Variants in SEPTIN14 observed in about 807,000 individuals in gnomAD.
The protein encoded by SEPTIN14 is septin 14.
In SEPTIN14, 40 loss-of-function variants were observed where a neutral mutation model predicts 53.6. That is an observed-to-expected ratio of 0.75 (90% CI 0.58 to 0.97). The LOEUF is 0.97. SEPTIN14 is among the 50% of genes least tolerant of loss of function. SEPTIN14 has a pLI of 0.00. For missense variants in SEPTIN14, 471 were observed against 508.2 expected, an observed-to-expected ratio of 0.93 and a Z score of 0.70; for synonymous variants, 138 against 166.8, an observed-to-expected ratio of 0.83 and a Z score of 1.33.
intron 3 of SEPTIN14, among the ~76,000 whole-genome samples, 194 bp from the exon 4 acceptor site, chr7:55,844,912 CT>C (rs34738740): frequency 1.2e-3 from 181 of 145,774 alleles, no homozygotes; most frequent in Non-Finnish European, 2.1e-3. Flanking sequence ...TACAAAGTTT[CT>C]TTTTTTTTTT....
At chr7:55,798,036 G>GT (rs1788459986) in intron 9 of SEPTIN14, 1 of 167,268 alleles carries the variant, frequency 6.0e-6, no homozygotes, top group African/African-American at 2.4e-5. Flanking sequence ...CCCAGACCAT[G>GT]TACTCGGCCC....
chr7:55,859,990 G>A (rs1326407646), intron 2 of SEPTIN14, among the ~76,000 whole-genome samples: 1 of 152,012 alleles, frequency 6.6e-6, no homozygotes, highest in Non-Finnish European at 1.5e-5. Context: ...AACCAACCTG[G>A]CCAATATGTT....
At chr7:55,838,885 A>C (rs1789256950) in intron 5 of SEPTIN14, among the ~76,000 whole-genome samples, 1 of 152,132 alleles carries the variant, frequency 6.6e-6, no homozygotes, top group Admixed American at 6.6e-5. Context: ...AATCAACAGC[A>C]GTCCAAATAT....
At chr7:55,857,725 C>T (rs760888657) in intron 2 of SEPTIN14, among the ~76,000 whole-genome samples, 12 of 149,792 alleles carry the variant, frequency 8.0e-5, no homozygotes, top group Non-Finnish European at 1.2e-4. Flanking sequence ...GCAGCTGGGA[C>T]TACAGGCGCC....
At chr7:55,842,907 C>CA (rs369212193) in intron 5 of SEPTIN14, 35 bp downstream of exon 5, 78,919 of 973,930 alleles carry the variant, frequency 0.081, 1 homozygote, top group South Asian at 0.1. Flanking sequence ...GACTCCGTCT[C>CA]AAAAAAAAAA....
At chr7:55,840,888 GTTATTATTTAT>G (rs150755976) in intron 5 of SEPTIN14, among the ~76,000 whole-genome samples, 33,568 of 151,530 alleles carry the variant, frequency 0.22, 4,346 homozygotes, top group Middle Eastern at 0.31. Flanking sequence ...TTTTGTTGTT[GTTATTATTTAT>G]TTATTATTTA....
chr7:55,802,145 C>T (rs1788530446), intron 9 of SEPTIN14, among the ~76,000 whole-genome samples: 1 of 151,946 alleles, frequency 6.6e-6, no homozygotes, highest in Non-Finnish European at 1.5e-5. Flanking sequence ...GCCAGGATTA[C>T]AGCCGCACAC....
intron 7 of SEPTIN14, among the ~76,000 whole-genome samples, chr7:55,813,225 T>C (rs1005868838): frequency 4.6e-5 from 7 of 152,060 alleles, no homozygotes; most frequent in African/African-American, 1.7e-4. Context: ...GCTGGGACTA[T>C]AGGTGTAAGC....
At chr7:55,811,709 G>A (rs888197261) in intron 7 of SEPTIN14, among the ~76,000 whole-genome samples, 2 of 151,568 alleles carry the variant, frequency 1.3e-5, no homozygotes, top group Non-Finnish European at 2.9e-5. Context: ...ATGTTGGCCA[G>A]GCTGGTCTTG....
At chr7:55,829,687 A>G (rs966288850) in intron 6 of SEPTIN14, among the ~76,000 whole-genome samples, 1 of 151,726 alleles carries the variant, frequency 6.6e-6, no homozygotes, top group African/African-American at 2.4e-5. Flanking sequence ...GAGGCAGTGA[A>G]TAACAGCTCT....
intron 6 of SEPTIN14, among the ~76,000 whole-genome samples, chr7:55,829,089 T>C (rs1789042749): frequency 1.3e-5 from 2 of 151,986 alleles, no homozygotes; most frequent in Admixed American, 6.6e-5. Flanking sequence ...AAAATTGATA[T>C]GGTGCTAGGC....
chr7:55,818,403 CAG>C (rs143954062), intron 7 of SEPTIN14, among the ~76,000 whole-genome samples: 30,465 of 143,618 alleles, frequency 0.21, 4,053 homozygotes, highest in East Asian at 0.44. Flanking sequence ...ACCTGGGAGA[CAG>C]AGGTTGCAGT....
At chr7:55,798,572 A>G in intron 9 of SEPTIN14, 2 of 384,164 alleles carry the variant, frequency 5.2e-6, no homozygotes, top group Non-Finnish European at 1.0e-5. Flanking sequence ...ATCTTCTGAG[A>G]AGGATGGACG....
At chr7:55,817,158 G>A (rs965181486) in intron 7 of SEPTIN14, among the ~76,000 whole-genome samples, 1 of 152,042 alleles carries the variant, frequency 6.6e-6, no homozygotes, top group Non-Finnish European at 1.5e-5. Flanking sequence ...GCATATATAC[G>A]CAATGGAATT....
At chr7:55,842,442 C>CA (rs1789328782) in intron 5 of SEPTIN14, among the ~76,000 whole-genome samples, 1 of 151,522 alleles carries the variant, frequency 6.6e-6, no homozygotes, top group African/African-American at 2.4e-5. Flanking sequence ...CCTGTCTCTA[C>CA]AAAAAATACA....
chr7:55,801,756 C>T (rs1369975343), intron 9 of SEPTIN14, among the ~76,000 whole-genome samples: 1 of 151,580 alleles, frequency 6.6e-6, no homozygotes, highest in Non-Finnish European at 1.5e-5. Context: ...CCCATCTCTA[C>T]TAAAAGTACA....
chr7:55,848,414 G>A (rs543474556), intron 2 of SEPTIN14, among the ~76,000 whole-genome samples: 58 of 151,928 alleles, frequency 3.8e-4, no homozygotes, highest in African/African-American at 1.3e-3. Flanking sequence ...CGCCTGCCTC[G>A]GCCTTCCAAA....
At chr7:55,839,600 G>GA (rs750738106) in intron 5 of SEPTIN14, among the ~76,000 whole-genome samples, 10 of 152,090 alleles carry the variant, frequency 6.6e-5, no homozygotes, top group South Asian at 4.2e-4. Context: ...TGTATGCATA[G>GA]AAAAAAACAG....
At chr7:55,852,150 AAAAG>A (rs894894288) in intron 2 of SEPTIN14, among the ~76,000 whole-genome samples, 1 of 151,844 alleles carries the variant, frequency 6.6e-6, no homozygotes, top group African/African-American at 2.4e-5. Context: ...AAAAAAAAAA[AAAAG>A]AAGAAGAAAA....
Sources: allele counts gnomAD v4.1 joint callset (sites outside exome capture counted in the v4.1 genomes callset), GRCh38; gene constraint gnomAD v4.1.1; transcripts MANE v1.5; gene names NCBI Gene and HGNC (gene_info 2026-07-23, HGNC 2026-07-21).